DEPDC5: variants seen among roughly 807,000 people sequenced by gnomAD.
The protein encoded by DEPDC5 is DEP domain containing 5, GATOR1 subcomplex subunit.
Under a neutral mutation model 217.3 loss-of-function variants are expected in DEPDC5, and 73 were observed. The observed-to-expected ratio is 0.34, with a 90% CI of 0.28 to 0.41. The LOEUF (loss-of-function observed/expected upper bound fraction) is 0.41. Among genes scored for constraint, DEPDC5 ranks in the 10% least tolerant of loss-of-function variants. The pLI, the probability that DEPDC5 is intolerant of heterozygous loss-of-function variation, is 1.00. For missense variants in DEPDC5, 1,675 were observed against 2,070.1 expected (o/e 0.81, Z 3.70); for synonymous variants, 733 against 756.7 (o/e 0.97, Z 0.51).
At chr22:31,772,954 G>GT (rs1224381581) in intron 7 of DEPDC5, among the ~76,000 whole-genome samples, 1 of 151,422 alleles carries the variant, frequency 6.6e-6, no homozygotes, top group Non-Finnish European at 1.5e-5. Flanking sequence ...GCTAATTTTT[G>GT]TTTTTTTAGT....
chr22:31,763,618 AT>A (rs769050411), intron 4 of DEPDC5, among the ~76,000 whole-genome samples: 199 of 143,464 alleles, frequency 1.4e-3, no homozygotes, highest in Admixed American at 1.4e-3. Flanking sequence ...TGCCTGGCTA[AT>A]TTTTTTTTTT....
intron 1 of DEPDC5, 110 bp from the exon 2 acceptor site, chr22:31,754,752 G>A (rs917414372): frequency 1.0e-5 from 7 of 673,960 alleles, no homozygotes; most frequent in East Asian, 2.7e-5. Context: ...GAGTCACTTG[G>A]CACCACTTCA....
At chr22:31,864,638 T>C (rs1161046443) in intron 33 of DEPDC5, among the ~76,000 whole-genome samples, 3 of 151,412 alleles carry the variant, frequency 2.0e-5, no homozygotes, top group Non-Finnish European at 2.9e-5. Flanking sequence ...TTCTCAGTCA[T>C]GCGTGGTGGC....
rs2149249824 is a variant in DEPDC5 at position 31,873,345 on chromosome 22, C to T, written c.3563+13C>T. On this transcript the variant is annotated intron_variant, in intron 35 of 42. Coordinates refer to ENST00000651528, the MANE Select transcript of DEPDC5 (RefSeq NM_001242896.3). ...TGAAGCACCCCTCGTAAGTGGCTCA[C>T]CACAGTGTAGGGTTGGAAGGTTCCC... The T allele has an allele frequency of 1.2e-6, 2 of 1,613,330 alleles. No individual in the cohort carries two copies. Among genetic ancestry groups the T allele is most frequent in the East Asian group, 2.2e-5 (1 of 44,842 alleles).
intron 35 of DEPDC5, 107 bp downstream of exon 35, chr22:31,873,439 C>A: frequency 8.0e-7 from 1 of 1,254,220 alleles, no homozygotes; most frequent in Non-Finnish European, 1.1e-6. Context: ...GTACTTCTCA[C>A]CAGTTTTGAG....
chr22:31,863,600 A>C (rs1426966226), intron 33 of DEPDC5, among the ~76,000 whole-genome samples: 1 of 152,226 alleles, frequency 6.6e-6, no homozygotes, highest in Non-Finnish European at 1.5e-5. Flanking sequence ...ACTTGAGCCC[A>C]GGAGAATAAG....
At chr22:31,811,494 C>T (rs1368563408) in intron 20 of DEPDC5, among the ~76,000 whole-genome samples, 2 of 151,178 alleles carry the variant, frequency 1.3e-5, no homozygotes, top group Admixed American at 1.3e-4. Flanking sequence ...ATGAACTTTT[C>T]TTTCTTTAAG....
chr22:31,792,134 TTTTG>T lies in DEPDC5; in HGVS notation c.694+35_694+38del, dbSNP rs749222243. 1.9e-6 allele frequency: 3 copies of T among 1,539,398 alleles called. No homozygotes were observed. The East Asian group carries it at 6.8e-5, about 35-fold the overall frequency. On this transcript the variant is annotated intron_variant, in intron 11 of 42. Transcript: ENST00000651528. ...AACTATTTCTCTCCTACAGTTATGT[TTTTG>T]TTAAGCTTCCCCCAACCCCACCCCA...
chr22:31,805,524 G>A (rs75460572), intron 17 of DEPDC5, among the ~76,000 whole-genome samples: 22 of 149,880 alleles, frequency 1.5e-4, no homozygotes, highest in East Asian at 3.9e-4. Flanking sequence ...TTTTTAAGAC[G>A]GAGTTTCACT....
At chr22:31,777,989 T>A (rs1458022334) in intron 7 of DEPDC5, 110 bp from the exon 8 acceptor site, 1 of 1,173,898 alleles carries the variant, frequency 8.5e-7, no homozygotes, top group African/African-American at 1.5e-5. Context: ...CTCAGGTAAT[T>A]CGCCCGCCTT....
At chr22:31,886,205 G>A (rs1195364195) in intron 38 of DEPDC5, among the ~76,000 whole-genome samples, 1 of 152,034 alleles carries the variant, frequency 6.6e-6, no homozygotes, top group Non-Finnish European at 1.5e-5. Context: ...TGTTGGTTTT[G>A]TAGAGACAAT....
chr22:31,839,438 G>T (rs2091253741), intron 27 of DEPDC5, among the ~76,000 whole-genome samples: 1 of 150,350 alleles, frequency 6.7e-6, no homozygotes. Flanking sequence ...GCAGGTGCCT[G>T]GAATCAGAAA....
At chr22:31,827,738 G>A (rs1266066181) in intron 24 of DEPDC5, among the ~76,000 whole-genome samples, 1 of 152,152 alleles carries the variant, frequency 6.6e-6, no homozygotes, top group African/African-American at 2.4e-5. Context: ...AGGTTCCCCA[G>A]ATAGATCAGG....
rs1260351027 is a variant in DEPDC5 at position 31,907,369 on chromosome 22, G to T, written c.*872G>T. On this transcript the variant is annotated 3_prime_UTR_variant, in exon 43 of 43. Coordinates refer to ENST00000651528, the MANE Select transcript of DEPDC5 (RefSeq NM_001242896.3). ...GAAACATTTTGTAGACTCTAACTTA[G>T]GTTTTTTTTGTTGTTGTTTTTTTTG... 1 of 151,004 alleles carries T rather than the reference G, an allele frequency of 6.6e-6. No individual in the cohort carries two copies. Among genetic ancestry groups the T allele is most frequent in the South Asian group, 2.1e-4 (1 of 4,782 alleles). 9.4% of individuals were successfully genotyped at this position (151,004 alleles called of 1,614,324 possible).
At chr22:31,870,913 T>C (rs957355158) in intron 34 of DEPDC5, among the ~76,000 whole-genome samples, 169 bp downstream of exon 34, 3 of 152,220 alleles carry the variant, frequency 2.0e-5, no homozygotes, top group African/African-American at 7.2e-5. Context: ...ATGGGACTAA[T>C]GATCTGTTTC....
At chr22:31,870,793 C>T (rs1371035696) in intron 34 of DEPDC5, 49 bp downstream of exon 34, 1 of 1,452,304 alleles carries the variant, frequency 6.9e-7, no homozygotes, top group Non-Finnish European at 9.1e-7. Flanking sequence ...TGGGGACAGT[C>T]TGATCTCAAA....
At chr22:31,835,422 A>G (rs2090920553) in intron 25 of DEPDC5, among the ~76,000 whole-genome samples, 1 of 152,196 alleles carries the variant, frequency 6.6e-6, no homozygotes, top group Admixed American at 6.5e-5. Context: ...CTCTTTTCCT[A>G]GAGACAGAAC....
In DEPDC5 at chr22:31,843,671, ACTACACCTACAGC is replaced by A; in HGVS notation, c.2663_2675del (p.Tyr888SerfsTer30). On this transcript the variant is annotated frameshift_variant, in exon 29 of 43. Transcript: ENST00000651528. LOFTEE classifies it high-confidence loss of function. ...TATCCTTATGAATCTGCCCAGATCCACTACACCTACAGCCTCTGTCCTTCCCACTCAGACTCAG... is the reference window on the plus strand; with the variant it reads ...TATCCTTATGAATCTGCCCAGATCCACTCTGTCCTTCCCACTCAGACTCAG... The A allele has an allele frequency of 6.2e-7, 1 of 1,609,988 alleles. No individual in the cohort carries two copies. Among genetic ancestry groups the A allele is most frequent in the Non-Finnish European group, 8.5e-7 (1 of 1,176,718 alleles).
intron 15 of DEPDC5, 89 bp from the exon 16 acceptor site, chr22:31,804,073 C>T: frequency 1.6e-6 from 2 of 1,270,104 alleles, no homozygotes; most frequent in Non-Finnish European, 1.1e-6. Flanking sequence ...GCTTTGCCTA[C>T]TACCCATTTA....
Sources: allele counts gnomAD v4.1 joint callset (sites outside exome capture counted in the v4.1 genomes callset), GRCh38; gene constraint gnomAD v4.1.1; transcripts MANE v1.5; gene names NCBI Gene and HGNC (gene_info 2026-07-23, HGNC 2026-07-21).